The following SBF2 variants were observed in gnomAD, a reference collection of about 807,000 sequenced individuals.
SBF2 encodes myotubularin-related protein 13.
SBF2 carries 112 observed loss-of-function variants against 225.2 expected under a neutral mutation model. That is an observed-to-expected ratio of 0.50 (90% CI 0.43 to 0.58). The LOEUF is 0.58. SBF2 is among the 20% of genes least tolerant of loss of function. SBF2 has a pLI of 0.00. For missense variants in SBF2, 1,996 were observed against 2,206.2 expected (o/e 0.90, Z 1.91); for synonymous variants, 763 against 773.3 (o/e 0.99, Z 0.22).
In SBF2 at chr11:9,999,721, T is replaced by C. The variant is rs75732469; in HGVS notation, c.861+1193A>G. Among the ~76,000 whole-genome samples, 774 of 152,294 alleles carry C rather than the reference T, an allele frequency of 5.1e-3. 4 individuals carry two copies. Among genetic ancestry groups the C allele is most frequent in the African/African-American group, 0.018 (736 of 41,566 alleles). ...TTAGGTTTTATTAAATGTTTATTGA[T>C]TTACACATATTTTTATACAGTGATA... On this transcript the variant is annotated intron_variant, in intron 8 of 39. Coordinates refer to ENST00000256190, the MANE Select transcript of SBF2 (RefSeq NM_030962.4).
At chr11:9,793,697 G>A (rs1318157011) in intron 33 of SBF2, among the ~76,000 whole-genome samples, 1 of 152,094 alleles carries the variant, frequency 6.6e-6, no homozygotes, top group East Asian at 1.9e-4. Flanking sequence ...GGCCTTACCT[G>A]GGGAGTTTTA....
intron 1 of SBF2, among the ~76,000 whole-genome samples, chr11:10,231,489 G>A (rs569743417): frequency 6.6e-6 from 1 of 152,280 alleles, no homozygotes; most frequent in African/African-American, 2.4e-5. Flanking sequence ...GGTTTTTGGT[G>A]TGGATGTCCT....
chr11:10,068,846 T>C (rs907504343), intron 2 of SBF2, among the ~76,000 whole-genome samples: 4 of 152,214 alleles, frequency 2.6e-5, no homozygotes, highest in Non-Finnish European at 5.9e-5. Flanking sequence ...ACTGATTATT[T>C]TGAATTCTTT....
chr11:10,295,467 A>G (rs1591383913), upstream of SBF2, among the ~76,000 whole-genome samples: 1 of 152,158 alleles, frequency 6.6e-6, no homozygotes, highest in African/African-American at 2.4e-5. Context: ...CTGCACTAGA[A>G]CTGAAACTGA....
At chr11:10,182,281 G>C (rs1013900931) in intron 2 of SBF2, among the ~76,000 whole-genome samples, 1 of 152,160 alleles carries the variant, frequency 6.6e-6, no homozygotes, top group Non-Finnish European at 1.5e-5. Flanking sequence ...TTTGAAAGTA[G>C]ACCTAGAGAG....
At chr11:10,098,286 CTAAGA>C (rs1683189354) in intron 2 of SBF2, among the ~76,000 whole-genome samples, 1 of 151,766 alleles carries the variant, frequency 6.6e-6, no homozygotes, top group African/African-American at 2.4e-5. Flanking sequence ...GAATGTAAAC[CTAAGA>C]TTTCTTCCCT....
intron 36 of SBF2, among the ~76,000 whole-genome samples, chr11:9,787,375 A>C (rs1368454034): frequency 1.3e-5 from 2 of 152,182 alleles, no homozygotes; most frequent in Non-Finnish European, 2.9e-5. Context: ...CTGAGATAGA[A>C]AAGAACCCAA....
rs374862866 is a variant in SBF2, at chr11:9,869,999, G to T, written c.1930-11603C>A. Among the ~76,000 whole-genome samples the T allele has an allele frequency of 2.0e-5, 3 of 152,284 alleles. No homozygotes were observed. In the East Asian group the frequency reaches 5.8e-4, roughly 29 times the overall value. On this transcript the variant is annotated intron_variant, in intron 17 of 39. Transcript: ENST00000256190. Reference sequence around the variant, plus strand: ...CTTCTTAAGCTGATAAGCAACTTCAGCGAAGTCTCAGCATACAAAAATCAA... The same window carrying T: ...CTTCTTAAGCTGATAAGCAACTTCATCGAAGTCTCAGCATACAAAAATCAA...
At chr11:9,968,079 A>G (rs1259603266) in intron 14 of SBF2, among the ~76,000 whole-genome samples, 1 of 151,648 alleles carries the variant, frequency 6.6e-6, no homozygotes, top group Non-Finnish European at 1.5e-5. Flanking sequence ...CACATTTTAC[A>G]TTGGTGAATT....
intron 13 of SBF2, among the ~76,000 whole-genome samples, chr11:9,987,818 A>C (rs1450320447): frequency 6.6e-6 from 1 of 152,242 alleles, no homozygotes; most frequent in Non-Finnish European, 1.5e-5. Flanking sequence ...GGGTAGAACC[A>C]GTATTGTGAA....
rs1290264231 is a variant in SBF2, at chr11:9,784,391, C to T, written c.5279G>A (p.Trp1760Ter). 1 of 1,614,018 alleles carries T rather than the reference C, an allele frequency of 6.2e-7. No individual in the cohort carries two copies. The highest frequency in any genetic ancestry group is 1.3e-5 in the African/African-American group (1 of 74,934). ...ATCCAAAACAAACCAACGGGGCTTC[C>T]AACCTTTCAGCAAAGCCCCTCTTTT... ...LYKRGALLKG[W>*]KPRWFVLDVT... The change falls in exon 38 of 40, where the codon TGG (tryptophan) becomes TAG (stop). Residue 1760 changes from tryptophan to a stop codon, truncating the protein, a stop_gained. Coordinates refer to ENST00000256190, the MANE Select transcript of SBF2 (RefSeq NM_030962.4). LOFTEE classifies it high-confidence loss of function.
chr11:10,196,866 A>ATTTTTT lies in SBF2; in HGVS notation c.56-2885_56-2880dup, dbSNP rs1555073581. The stretch of plus-strand genomic sequence containing the variant: ...TATATATATATATATATATATATAT[A>ATTTTTT]TTTTTTTTTTCCTACAAAATGAATA... On this transcript the variant is annotated intron_variant, in intron 1 of 39. Transcript: ENST00000256190. Among the ~76,000 whole-genome samples the ATTTTTT allele has an allele frequency of 5.3e-3, 525 of 99,240 alleles. 14 individuals carry two copies. The highest frequency in any genetic ancestry group is 0.019 in the African/African-American group (470 of 24,776). The allele number at this position is 99,240 out of a possible 152,430, so 65.1% of individuals were successfully genotyped here. A position where few individuals can be genotyped will look rare whatever the true frequency, so the allele number is the denominator to read the frequency against.
chr11:10,156,601 C>T (rs1243949156), intron 2 of SBF2, among the ~76,000 whole-genome samples: 1 of 152,298 alleles, frequency 6.6e-6, no homozygotes, highest in East Asian at 1.9e-4. Flanking sequence ...TTTTTCCAGG[C>T]CTGCCTGTGG....
At chr11:9,923,663 T>G (rs998432829) in intron 16 of SBF2, among the ~76,000 whole-genome samples, 1 of 152,156 alleles carries the variant, frequency 6.6e-6, no homozygotes, top group East Asian at 1.9e-4. Context: ...TCCTGGCACA[T>G]GGAGATCATG....
chr11:10,187,477 T>G (rs1454182510), intron 2 of SBF2, among the ~76,000 whole-genome samples: 1 of 152,142 alleles, frequency 6.6e-6, no homozygotes, highest in African/African-American at 2.4e-5. Context: ...GACCCCTGCC[T>G]TCGCTCATCT....
chr11:10,151,509 G>T (rs982582112), intron 2 of SBF2, among the ~76,000 whole-genome samples: 1 of 152,032 alleles, frequency 6.6e-6, no homozygotes, highest in African/African-American at 2.4e-5. Flanking sequence ...CTTATAGATC[G>T]CAAAGTATAC....
At chr11:9,977,584 T>C (rs1290334126) in intron 13 of SBF2, among the ~76,000 whole-genome samples, 7 of 151,934 alleles carry the variant, frequency 4.6e-5, no homozygotes, top group Non-Finnish European at 1.0e-4. Context: ...GCCAAAAAAG[T>C]AGGCCAACTC....
intron 9 of SBF2, among the ~76,000 whole-genome samples, chr11:9,994,385 G>C (rs1034039584): frequency 4.6e-5 from 7 of 151,270 alleles, no homozygotes; most frequent in African/African-American, 1.7e-4. Flanking sequence ...TGAGGCAGGA[G>C]AATGGCGTGA....
At chr11:10,269,151 A>G (rs183469534) in intron 1 of SBF2, among the ~76,000 whole-genome samples, 65 of 152,360 alleles carry the variant, frequency 4.3e-4, no homozygotes, top group African/African-American at 1.5e-3. Context: ...TTTCAGAAAC[A>G]GCTGGAACCA....
Sources: gnomAD v4.1 joint callset for allele counts (sites outside exome capture counted in the v4.1 genomes callset) on GRCh38, gnomAD v4.1.1 for gene constraint, MANE v1.5 for transcripts, NCBI Gene and HGNC (gene_info 2026-07-23, HGNC 2026-07-21) for gene names.